The following BORCS5 variants were observed in gnomAD, a reference collection of about 807,000 sequenced individuals.
The protein encoded by BORCS5 is BLOC-1 related complex subunit 5.
BORCS5 carries 17 observed loss-of-function variants against 22.1 expected under a neutral mutation model. That is an observed-to-expected ratio of 0.77 (90% CI 0.53 to 1.15). The LOEUF (loss-of-function observed/expected upper bound fraction) is 1.15, where lower values mean the gene tolerates loss of function less well. Ranked by LOEUF, BORCS5 falls within the 50% of genes most tolerant of loss-of-function variation. The pLI is 0.00. For missense variants in BORCS5, 247 were observed against 253.2 expected, an observed-to-expected ratio of 0.98 and a Z score of 0.17; for synonymous variants, 117 against 99.8, an observed-to-expected ratio of 1.17 and a Z score of -1.03.
At chr12:12,373,947 G>A (rs1863584939) in intron 2 of BORCS5, among the ~76,000 whole-genome samples, 1 of 150,396 alleles carries the variant, frequency 6.6e-6, no homozygotes, top group Non-Finnish European at 1.5e-5. Context: ...ATAGCAGGTA[G>A]CTACATAGAG....
intron 3 of BORCS5, among the ~76,000 whole-genome samples, chr12:12,445,036 C>A (rs115284354): frequency 3.9e-5 from 6 of 152,254 alleles, no homozygotes; most frequent in African/African-American, 1.4e-4. Context: ...AGCCCACGGC[C>A]GAACAATCTT....
In BORCS5 at chr12:12,379,703, T is replaced by C. The variant is rs143201157; in HGVS notation, c.202+18354T>C. Among the ~76,000 whole-genome samples, 230 of 151,464 alleles carry C rather than the reference T, an allele frequency of 1.5e-3. 5 individuals carry two copies. The highest frequency in any genetic ancestry group is 5.2e-3 in the African/African-American group (213 of 41,286). ...GAGGTGCTTCCTTGATTAGGCTTTG[T>C]CTCAGTGGAATGTTGGAGCTAGTTT... On this transcript the variant is annotated intron_variant, in intron 2 of 3. Coordinates refer to ENST00000314565, the MANE Select transcript of BORCS5 (RefSeq NM_058169.6).
chr12:12,457,447 A>G (rs927292947), intron 3 of BORCS5, among the ~76,000 whole-genome samples: 1 of 152,216 alleles, frequency 6.6e-6, no homozygotes, highest in Non-Finnish European at 1.5e-5. Context: ...AGGCGGGCGG[A>G]TCACGAGGTC....
At chr12:12,434,521 C>T (rs1942512323) in intron 2 of BORCS5, among the ~76,000 whole-genome samples, 2 of 152,048 alleles carry the variant, frequency 1.3e-5, no homozygotes, top group Admixed American at 1.3e-4. Flanking sequence ...ACAGAAGTGT[C>T]CAGTGGAGTT....
intron 2 of BORCS5, among the ~76,000 whole-genome samples, chr12:12,422,619 A>T (rs1592112629): frequency 6.6e-6 from 1 of 152,088 alleles, no homozygotes; most frequent in Non-Finnish European, 1.5e-5. Flanking sequence ...AAAAAAAAGT[A>T]AAAGAATAAG....
intron 3 of BORCS5, among the ~76,000 whole-genome samples, chr12:12,455,471 A>G (rs1942981222): frequency 6.6e-6 from 1 of 152,194 alleles, no homozygotes; most frequent in Non-Finnish European, 1.5e-5. Context: ...GGTGGGAAAG[A>G]TGAGTGACTT....
chr12:12,438,803 A>G (rs1942620697), intron 3 of BORCS5, among the ~76,000 whole-genome samples: 1 of 152,192 alleles, frequency 6.6e-6, no homozygotes, highest in South Asian at 2.1e-4. Flanking sequence ...ACATTATTTC[A>G]TTCATAAATA....
intron 2 of BORCS5, among the ~76,000 whole-genome samples, chr12:12,367,116 A>G (rs1454392643): frequency 1.3e-5 from 2 of 152,250 alleles, no homozygotes; most frequent in Non-Finnish European, 2.9e-5. Context: ...ATGGAACAGC[A>G]GTGAAAGCTT....
intron 2 of BORCS5, among the ~76,000 whole-genome samples, chr12:12,366,011 TTCTGCCTGATAATTAAAAGCCCTACCC>T (rs1430481576): frequency 8.3e-4 from 126 of 152,312 alleles, no homozygotes; most frequent in African/African-American, 3.0e-3. Context: ...TTTGACGTTG[TTCTGCCTGATAATTAAAAGCCCTACCC>T]TCTGCCTGCT....
intron 3 of BORCS5, among the ~76,000 whole-genome samples, chr12:12,451,592 A>G (rs1942909793): frequency 2.0e-5 from 3 of 152,062 alleles, no homozygotes; most frequent in Admixed American, 6.5e-5. Flanking sequence ...AAGAAAAGCA[A>G]CATTGAACTG....
rs116527840 is a variant in BORCS5 at position 12,462,183 on chromosome 12, A to C, written c.361-3363A>C. ...GTGTGGTAATAGCTCACACTTACCC[A>C]GTGCTCACTGTGTGCTGGGCAGGAT... On this transcript the variant is annotated intron_variant, in intron 3 of 3. Coordinates refer to ENST00000314565, the MANE Select transcript of BORCS5 (RefSeq NM_058169.6). Among the ~76,000 whole-genome samples, 441 of 152,338 alleles carry C rather than the reference A, an allele frequency of 2.9e-3. 1 individual carries two copies. The highest frequency in any genetic ancestry group is 9.6e-3 in the African/African-American group (400 of 41,584).
intron 3 of BORCS5, among the ~76,000 whole-genome samples, chr12:12,444,919 A>G (rs1942753390): frequency 6.6e-6 from 1 of 152,366 alleles, no homozygotes; most frequent in African/African-American, 2.4e-5. Flanking sequence ...AATGCTGAGG[A>G]TAGCTAATGA....
intron 2 of BORCS5, among the ~76,000 whole-genome samples, chr12:12,378,226 G>A (rs1324933619): frequency 6.6e-6 from 1 of 152,118 alleles, no homozygotes. Context: ...ACAAAAAGTA[G>A]CTAGGCATGG....
chr12:12,450,957 GA>G lies in BORCS5; in HGVS notation c.361-14588del, dbSNP rs554056140. 3.9e-5 allele frequency among the ~76,000 whole-genome samples: 6 copies of G among 152,258 alleles called. No homozygotes were observed. The South Asian group carries it at 1.0e-3, about 26-fold the overall frequency. On this transcript the variant is annotated intron_variant, in intron 3 of 3. Coordinates refer to ENST00000314565, the MANE Select transcript of BORCS5 (RefSeq NM_058169.6). ...TTTATTACAATAATTAAAATAACTA[GA>G]GAATTTGTGTATATTATATACTGGG...
chr12:12,421,778 G>C (rs559899390), intron 2 of BORCS5, among the ~76,000 whole-genome samples: 1 of 152,254 alleles, frequency 6.6e-6, no homozygotes, highest in Admixed American at 6.5e-5. Context: ...GTTTAGTCTT[G>C]GGAGGGGGTA....
intron 2 of BORCS5, among the ~76,000 whole-genome samples, chr12:12,365,927 T>C (rs571174572): frequency 2.0e-5 from 3 of 152,306 alleles, no homozygotes; most frequent in Admixed American, 1.3e-4. Flanking sequence ...ATCACTAGGA[T>C]ATACAGGAAC....
intron 2 of BORCS5, among the ~76,000 whole-genome samples, chr12:12,378,649 G>A (rs1319039527): frequency 6.8e-6 from 1 of 148,012 alleles, no homozygotes; most frequent in Non-Finnish European, 1.5e-5. Flanking sequence ...TCCTGGATTG[G>A]GTCCTAGAAT....
chr12:12,357,299 G>A lies in BORCS5; in HGVS notation c.-153G>A. 6.9e-7 allele frequency: 1 copy of A among 1,456,640 alleles called. No homozygotes were observed. Among genetic ancestry groups the A allele is most frequent in the Middle Eastern group, 2.5e-4 (1 of 3,956 alleles). 90.2% of individuals were successfully genotyped at this position (1,456,640 alleles called of 1,614,324 possible). On this transcript the variant is annotated 5_prime_UTR_variant, in exon 1 of 4. Coordinates refer to ENST00000314565, the MANE Select transcript of BORCS5 (RefSeq NM_058169.6). Reference sequence around the variant, plus strand: ...TCCCGCCGCCCAGGCCCCTGCGTGGGCTGGACGCGTCAGCCCCACACATTA... The same window carrying A: ...TCCCGCCGCCCAGGCCCCTGCGTGGACTGGACGCGTCAGCCCCACACATTA...
chr12:12,464,561 G>A (rs1943165386), intron 3 of BORCS5, among the ~76,000 whole-genome samples: 1 of 152,082 alleles, frequency 6.6e-6, no homozygotes. Flanking sequence ...TAGGAGTGTG[G>A]GCCTCAGTAG....
Sources: gnomAD v4.1 joint callset for allele counts (sites outside exome capture counted in the v4.1 genomes callset) on GRCh38, gnomAD v4.1.1 for gene constraint, MANE v1.5 for transcripts, NCBI Gene and HGNC (gene_info 2026-07-23, HGNC 2026-07-21) for gene names.